XKR6: variants seen among roughly 807,000 people sequenced by gnomAD.
XKR6 encodes XK-related protein 6.
In XKR6, 22 loss-of-function variants were observed where a neutral mutation model predicts 56.7. The observed-to-expected ratio is 0.39, with a 90% CI of 0.28 to 0.55. The LOEUF (loss-of-function observed/expected upper bound fraction) is 0.55. XKR6 is among the 20% of genes least tolerant of loss of function. XKR6 has a pLI of 0.66. For synonymous variants in XKR6, 524 were observed against 387.8 expected, an observed-to-expected ratio of 1.35 and a Z score of -4.13; for missense variants, 852 against 889.0, an observed-to-expected ratio of 0.96 and a Z score of 0.53.
intron 2 of XKR6, among the ~76,000 whole-genome samples, chr8:10,903,413 C>T (rs529426315): frequency 1.3e-5 from 2 of 152,244 alleles, no homozygotes; most frequent in South Asian, 2.1e-4. Flanking sequence ...CAACTGTGCA[C>T]CTGGTTGTCC....
chr8:11,172,413 G>A (rs1239293518), intron 1 of XKR6, among the ~76,000 whole-genome samples: 2 of 152,072 alleles, frequency 1.3e-5, no homozygotes, highest in Non-Finnish European at 2.9e-5. Flanking sequence ...TTCCTTTAAA[G>A]CAACACAAAC....
At chr8:10,966,973 G>C (rs1586367034) in intron 1 of XKR6, among the ~76,000 whole-genome samples, 1 of 152,110 alleles carries the variant, frequency 6.6e-6, no homozygotes, top group East Asian at 1.9e-4. Flanking sequence ...AGAACCATGG[G>C]TCTAGAGCCT....
chr8:11,056,024 A>T (rs1313924061), intron 1 of XKR6, among the ~76,000 whole-genome samples: 1 of 152,120 alleles, frequency 6.6e-6, no homozygotes, highest in South Asian at 2.1e-4. Flanking sequence ...GTCTCGATTC[A>T]GGATTCCTCT....
chr8:11,084,986 G>A (rs1008842376), intron 1 of XKR6, among the ~76,000 whole-genome samples: 8 of 152,048 alleles, frequency 5.3e-5, no homozygotes, highest in African/African-American at 7.2e-5. Flanking sequence ...TAAATGCCCC[G>A]CAACCACCTG....
At chr8:10,973,982 T>A (rs1802480495) in intron 1 of XKR6, among the ~76,000 whole-genome samples, 1 of 152,280 alleles carries the variant, frequency 6.6e-6, no homozygotes, top group Non-Finnish European at 1.5e-5. Context: ...CATTCCAGTT[T>A]TTTTTTAAGT....
chr8:11,012,552 C>A (rs1353202816), intron 1 of XKR6, among the ~76,000 whole-genome samples: 1 of 152,096 alleles, frequency 6.6e-6, no homozygotes, highest in African/African-American at 2.4e-5. Flanking sequence ...CCCTAGTCTA[C>A]CCAGACATTT....
chr8:11,094,857 T>G (rs1326620667), intron 1 of XKR6, among the ~76,000 whole-genome samples: 2 of 152,154 alleles, frequency 1.3e-5, no homozygotes, highest in Admixed American at 1.3e-4. Context: ...TGACTGCTGC[T>G]TCTTTAAAAC....
intron 1 of XKR6, chr8:11,035,145 A>C: frequency 1.9e-6 from 1 of 528,762 alleles, no homozygotes; most frequent in South Asian, 1.4e-5. Flanking sequence ...CGAAAGACAA[A>C]CTATGACAAA....
chr8:11,129,120 C>A, intron 1 of XKR6: 1 of 370,606 alleles, frequency 2.7e-6, no homozygotes. Context: ...CAACTTTGGG[C>A]TATGATGAAT....
At position 11,118,772 on chromosome 8, in the gene XKR6, C is replaced by T. The variant is rs57551254; in HGVS notation, c.764+81804G>A. Reference sequence around the variant, plus strand: ...TTCAAAAAACCAGCTCCTGGATTCACTGATTTTTTGAAGGGTTTTTTGTGT... The same window carrying T: ...TTCAAAAAACCAGCTCCTGGATTCATTGATTTTTTGAAGGGTTTTTTGTGT... On this transcript the variant is annotated intron_variant, in intron 1 of 2. Coordinates refer to ENST00000416569, the MANE Select transcript of XKR6 (RefSeq NM_173683.4). 5.3e-4 allele frequency among the ~76,000 whole-genome samples: 80 copies of T among 152,220 alleles called. 1 individual carries two copies. The East Asian group carries it at 0.012, about 23-fold the overall frequency.
chr8:10,981,327 G>A (rs1459987584), intron 1 of XKR6, among the ~76,000 whole-genome samples: 1 of 152,166 alleles, frequency 6.6e-6, no homozygotes, highest in South Asian at 2.1e-4. Context: ...TGTGTTTTCG[G>A]ATGCACTGCA....
In XKR6 at chr8:11,008,139, G is replaced by A. The variant is rs994072093; in HGVS notation, c.765-83309C>T. On this transcript the variant is annotated intron_variant, in intron 1 of 2. Coordinates refer to ENST00000416569, the MANE Select transcript of XKR6 (RefSeq NM_173683.4). Reference sequence around the variant, plus strand: ...GTTTACTCTTTCCTTTTACTCTCACGATGCCCTGTCCTGCTCAAATACCCT... The same window carrying A: ...GTTTACTCTTTCCTTTTACTCTCACAATGCCCTGTCCTGCTCAAATACCCT... Among the ~76,000 whole-genome samples the A allele has an allele frequency of 4.6e-5, 7 of 152,290 alleles. 1 individual carries two copies. The highest frequency in any genetic ancestry group is 3.3e-4 in the Admixed American group (5 of 15,306).
At chr8:11,147,962 C>T (rs956913741) in intron 1 of XKR6, among the ~76,000 whole-genome samples, 3 of 152,126 alleles carry the variant, frequency 2.0e-5, no homozygotes, top group Admixed American at 6.5e-5. Context: ...GTAATCCCAG[C>T]ACTTTGGGAG....
intron 1 of XKR6, among the ~76,000 whole-genome samples, chr8:11,115,639 C>CAAAA (rs34673445): frequency 6.6e-6 from 1 of 151,868 alleles, no homozygotes; most frequent in African/African-American, 2.4e-5. Flanking sequence ...GATACGTTAC[C>CAAAA]AAAAAAATGT....
intron 1 of XKR6, among the ~76,000 whole-genome samples, chr8:11,139,754 T>C (rs1246364739): frequency 6.6e-6 from 1 of 152,080 alleles, no homozygotes; most frequent in Admixed American, 6.6e-5. Flanking sequence ...GGGCAGTGTA[T>C]CTCCCAAGTC....
chr8:11,185,397 T>A (rs542740818), intron 1 of XKR6, among the ~76,000 whole-genome samples: 1 of 152,232 alleles, frequency 6.6e-6, no homozygotes, highest in African/African-American at 2.4e-5. Context: ...AATTAGCCTA[T>A]GGGAAAACTG....
At chr8:11,076,120 C>T (rs982000820) in intron 1 of XKR6, among the ~76,000 whole-genome samples, 1 of 152,114 alleles carries the variant, frequency 6.6e-6, no homozygotes, top group African/African-American at 2.4e-5. Flanking sequence ...GAGCCCGTCA[C>T]AAAATGACAA....
intron 1 of XKR6, among the ~76,000 whole-genome samples, chr8:10,988,950 G>A (rs1206375819): frequency 6.6e-6 from 1 of 152,318 alleles, no homozygotes. Flanking sequence ...AAAAGGCAGA[G>A]GACAGTATCC....
chr8:10,991,618 G>A (rs778762295), intron 1 of XKR6, among the ~76,000 whole-genome samples: 1 of 152,188 alleles, frequency 6.6e-6, no homozygotes, highest in Non-Finnish European at 1.5e-5. Flanking sequence ...TCCAGGCGAA[G>A]TGTAACCCAG....
Sources: gnomAD v4.1 joint callset for allele counts (sites outside exome capture counted in the v4.1 genomes callset) on GRCh38, gnomAD v4.1.1 for gene constraint, MANE v1.5 for transcripts, NCBI Gene and HGNC (gene_info 2026-07-23, HGNC 2026-07-21) for gene names.